TICAM2: variants seen among roughly 807,000 people sequenced by gnomAD.
TICAM2 encodes TIR domain containing adaptor molecule 2.
Under a neutral mutation model 7.3 loss-of-function variants are expected in TICAM2, and 8 were observed. That is an observed-to-expected ratio of 1.10 (90% CI 0.65 to 1.99). TICAM2 has a LOEUF of 1.99. Ranked by LOEUF, TICAM2 falls within the 30% of genes most tolerant of loss-of-function variation. TICAM2 has a pLI of 0.00. For missense variants in TICAM2, 304 were observed against 278.8 expected (o/e 1.09, Z -0.65); for synonymous variants, 113 against 99.6 (o/e 1.13, Z -0.80).
intron 1 of TICAM2, among the ~76,000 whole-genome samples, chr5:115,600,436 G>C (rs913251371): frequency 2.6e-5 from 4 of 152,110 alleles, no homozygotes; most frequent in African/African-American, 9.7e-5. Context: ...TTGTCCTGGG[G>C]GAAAGTATGG....
rs2127190216 is a variant in TICAM2, at chr5:115,580,817, G to A, written c.440C>T (p.Thr147Ile). 6.2e-7 allele frequency: 1 copy of A among 1,602,648 alleles called. No individual in the cohort carries two copies. Reference sequence around the variant, plus strand: ...CGTATAGAACTGGAAATTACACCAAGTATCTCTTAAAAAGTTTTCAGTCAG... The same window carrying A: ...CGTATAGAACTGGAAATTACACCAAATATCTCTTAAAAAGTTTTCAGTCAG... Reference protein sequence around the residue: ...LLLTENFLRDTWCNFQFYTSL... With the variant: ...LLLTENFLRDIWCNFQFYTSL... The change falls in exon 2 of 2, where the codon ACT becomes ATT. Residue 147 changes from threonine to isoleucine, a missense_variant. Coordinates refer to ENST00000427199, the MANE Select transcript of TICAM2 (RefSeq NM_021649.7).
chr5:115,579,010 G>T lies in TICAM2; in HGVS notation c.*1539C>A, dbSNP rs1011661424. The stretch of plus-strand genomic sequence containing the variant: ...TGTGCAGATCCCGGTACTGGTAGGG[G>T]ATATACAAGTGGGGAATAAGAAAAA... On this transcript the variant is annotated 3_prime_UTR_variant, in exon 2 of 2. Coordinates refer to ENST00000427199, the MANE Select transcript of TICAM2 (RefSeq NM_021649.7). 1.3e-5 allele frequency: 2 copies of T among 152,500 alleles called. No homozygotes were observed. Among genetic ancestry groups the T allele is most frequent in the South Asian group, 4.1e-4 (2 of 4,830 alleles). The allele number at this position is 152,500 out of a possible 1,614,324, so 9.4% of individuals were successfully genotyped here.
intron 1 of TICAM2, among the ~76,000 whole-genome samples, chr5:115,594,415 T>C (rs528166918): frequency 2.0e-5 from 3 of 152,230 alleles, no homozygotes; most frequent in African/African-American, 4.8e-5. Context: ...TACTTTTAAA[T>C]AAATAAATGT....
chr5:115,593,421 T>G (rs561044150), intron 1 of TICAM2, among the ~76,000 whole-genome samples: 1 of 152,282 alleles, frequency 6.6e-6, no homozygotes, highest in Non-Finnish European at 1.5e-5. Flanking sequence ...AAATGTCATT[T>G]TCCAATAGAT....
chr5:115,588,419 GAGA>G (rs1755189188), intron 1 of TICAM2, among the ~76,000 whole-genome samples: 1 of 152,208 alleles, frequency 6.6e-6, no homozygotes, highest in Non-Finnish European at 1.5e-5. Context: ...ACCTTTTAGA[GAGA>G]AGGTGAGTCC....
chr5:115,581,875 C>G (rs187122986), intron 1 of TICAM2: 1 of 152,588 alleles, frequency 6.6e-6, no homozygotes, highest in Non-Finnish European at 1.5e-5. Context: ...TTTACTGGTT[C>G]GGAGCTTTTT....
chr5:115,597,770 C>A (rs1018503807), intron 1 of TICAM2, among the ~76,000 whole-genome samples: 10 of 152,124 alleles, frequency 6.6e-5, no homozygotes, highest in African/African-American at 2.4e-4. Flanking sequence ...AGTCAGCCTG[C>A]AGAGCCTGCG....
chr5:115,580,548 C>G lies in TICAM2; in HGVS notation c.*1G>C, dbSNP rs373686980. On this transcript the variant is annotated 3_prime_UTR_variant, in exon 2 of 2. Transcript: ENST00000427199. ...GCCAGCCACATGTTATATGTTTCATCTCAGGCAATAAATTGTCTTTGTACC... is the reference window on the plus strand; with the variant it reads ...GCCAGCCACATGTTATATGTTTCATGTCAGGCAATAAATTGTCTTTGTACC... 2.2e-4 allele frequency: 347 copies of G among 1,585,404 alleles called. No homozygotes were observed. Among genetic ancestry groups the G allele is most frequent in the Non-Finnish European group, 2.8e-4 (333 of 1,169,866 alleles).
chr5:115,592,442 A>T (rs1227867679), intron 1 of TICAM2, among the ~76,000 whole-genome samples: 1 of 152,202 alleles, frequency 6.6e-6, no homozygotes, highest in Admixed American at 6.5e-5. Context: ...TGCTGCACAG[A>T]TCATCCCATC....
chr5:115,593,374 A>G (rs1484620311), intron 1 of TICAM2, among the ~76,000 whole-genome samples: 1 of 148,918 alleles, frequency 6.7e-6, no homozygotes, highest in African/African-American at 2.5e-5. Context: ...GTATTTTTGA[A>G]TACCAATAAC....
At chr5:115,601,519 A>C (rs546558391) in intron 1 of TICAM2, among the ~76,000 whole-genome samples, 129 of 152,306 alleles carry the variant, frequency 8.5e-4, no homozygotes, top group African/African-American at 3.1e-3. Context: ...CCTCCAGATC[A>C]TATAGCCTTT....
At chr5:115,583,085 C>G (rs189654295) in intron 1 of TICAM2, among the ~76,000 whole-genome samples, 1 of 152,196 alleles carries the variant, frequency 6.6e-6, no homozygotes, top group East Asian at 1.9e-4. Context: ...AATAATAAAA[C>G]CAAATTAATT....
intron 1 of TICAM2, among the ~76,000 whole-genome samples, chr5:115,582,949 A>T (rs1754981607): frequency 6.6e-6 from 1 of 152,186 alleles, no homozygotes. Context: ...CTAGTGAGGA[A>T]ACTGCTGACC....
chr5:115,591,936 T>C (rs1375155388), intron 1 of TICAM2, among the ~76,000 whole-genome samples: 1 of 152,102 alleles, frequency 6.6e-6, no homozygotes, highest in Non-Finnish European at 1.5e-5. Context: ...TTAAAAGTCC[T>C]ATGAACTTCA....
At position 115,601,055 on chromosome 5, in the gene TICAM2, G is replaced by T. The variant is rs181608286; in HGVS notation, c.-60+1042C>A. On this transcript the variant is annotated intron_variant, in intron 1 of 1. Coordinates refer to ENST00000427199, the MANE Select transcript of TICAM2 (RefSeq NM_021649.7). ...TCACATTTACTTTGCTTCAAATGTA[G>T]GTGTCAATATTCTATACCTGCTTAT... 2.6e-5 allele frequency among the ~76,000 whole-genome samples: 4 copies of T among 152,168 alleles called. No homozygotes were observed. In the East Asian group the frequency reaches 7.7e-4, roughly 29 times the overall value.
chr5:115,593,275 A>C (rs1454837139), intron 1 of TICAM2, among the ~76,000 whole-genome samples: 1 of 152,230 alleles, frequency 6.6e-6, no homozygotes, highest in African/African-American at 2.4e-5. Context: ...TCTATCATCC[A>C]AAAATTTTAA....
intron 1 of TICAM2, among the ~76,000 whole-genome samples, chr5:115,596,936 C>T (rs1755535371): frequency 6.6e-6 from 1 of 152,104 alleles, no homozygotes; most frequent in Non-Finnish European, 1.5e-5. Context: ...AACAAACAAA[C>T]AAACAAAAAC....
At chr5:115,593,281 T>A (rs923145312) in intron 1 of TICAM2, among the ~76,000 whole-genome samples, 5 of 152,198 alleles carry the variant, frequency 3.3e-5, no homozygotes, top group Admixed American at 6.5e-5. Flanking sequence ...ATCCAAAAAT[T>A]TTAAAAATTA....
At chr5:115,593,661 G>A (rs532859746) in intron 1 of TICAM2, among the ~76,000 whole-genome samples, 1 of 152,186 alleles carries the variant, frequency 6.6e-6, no homozygotes, top group South Asian at 2.1e-4. Flanking sequence ...TTTTGGTTGG[G>A]TTTTACCGGT....
Sources: allele counts gnomAD v4.1 joint callset (sites outside exome capture counted in the v4.1 genomes callset), GRCh38; gene constraint gnomAD v4.1.1; transcripts MANE v1.5; gene names NCBI Gene and HGNC (gene_info 2026-07-23, HGNC 2026-07-21).